Variants in SLC25A12 observed in about 807,000 individuals in gnomAD.
SLC25A12 encodes the protein solute carrier family 25 member 12, also known as electrogenic aspartate/glutamate antiporter SLC25A12, mitochondrial.
A neutral mutation model predicts 83.3 loss-of-function variants in SLC25A12; 32 were observed. The ratio of observed to expected loss-of-function variants is 0.38; its 90% CI spans 0.29 to 0.52. The LOEUF (loss-of-function observed/expected upper bound fraction) is 0.52, where lower values mean the gene tolerates loss of function less well. Ranked by LOEUF, SLC25A12 falls within the 20% of genes least tolerant of loss-of-function variation. The pLI, the probability that SLC25A12 is intolerant of heterozygous loss-of-function variation, is 0.84. For missense variants in SLC25A12, 611 were observed against 835.6 expected, an observed-to-expected ratio of 0.73 and a Z score of 3.31; for synonymous variants, 267 against 291.1, an observed-to-expected ratio of 0.92 and a Z score of 0.84.
intron 3 of SLC25A12, among the ~76,000 whole-genome samples, chr2:171,861,041 A>G (rs1400018463): frequency 6.6e-6 from 1 of 152,098 alleles, no homozygotes; most frequent in African/African-American, 2.4e-5. Context: ...GCAGTAAGCC[A>G]TGATCACACC....
chr2:171,837,026 G>A (rs1684574937), intron 6 of SLC25A12, 95 bp downstream of exon 6: 1 of 1,184,504 alleles, frequency 8.4e-7, no homozygotes, highest in Admixed American at 1.9e-5. Flanking sequence ...AATTTGAATA[G>A]TTGAGAGTCA....
chr2:171,862,731 G>A (rs1281277569), intron 3 of SLC25A12, among the ~76,000 whole-genome samples: 1 of 152,108 alleles, frequency 6.6e-6, no homozygotes, highest in Admixed American at 6.6e-5. Flanking sequence ...AATATTATAT[G>A]TTGCTATTTC....
intron 3 of SLC25A12, among the ~76,000 whole-genome samples, chr2:171,866,537 GGGCAGAGGCGCCCCTC>G (rs1685313453): frequency 1.6e-5 from 2 of 121,510 alleles, no homozygotes; most frequent in Non-Finnish European, 3.6e-5. Context: ...AGGGGCGGCC[GGGCAGAGGCGCCCCTC>G]ACCTCCCGAA....
At chr2:171,863,028 T>C (rs535793551) in intron 3 of SLC25A12, among the ~76,000 whole-genome samples, 1 of 152,248 alleles carries the variant, frequency 6.6e-6, no homozygotes, top group South Asian at 2.1e-4. Flanking sequence ...CTCTCCCAAG[T>C]AGCTAAGGCT....
intron 11 of SLC25A12, 42 bp from the exon 12 acceptor site, chr2:171,810,318 G>C (rs746328009): frequency 1.4e-6 from 2 of 1,480,598 alleles, no homozygotes; most frequent in South Asian, 2.3e-5. Context: ...AGCTGTACCA[G>C]ACATGAATAC....
chr2:171,886,184 T>C (rs913271789), intron 2 of SLC25A12, among the ~76,000 whole-genome samples: 2 of 151,958 alleles, frequency 1.3e-5, no homozygotes, highest in Non-Finnish European at 1.5e-5. Context: ...ACTTTCATAG[T>C]ATAGTTATTC....
chr2:171,868,612 C>G, intron 3 of SLC25A12, 69 bp downstream of exon 3: 2 of 1,507,352 alleles, frequency 1.3e-6, no homozygotes, highest in Middle Eastern at 1.7e-4. Context: ...CTGTGCCCAG[C>G]TGGTTTTTTA....
chr2:171,791,690 C>T (rs1343527255), intron 14 of SLC25A12, 101 bp from the exon 15 acceptor site: 2 of 1,126,876 alleles, frequency 1.8e-6, no homozygotes, highest in Admixed American at 3.4e-5. Context: ...TTGAGGTGTC[C>T]CTCAGTGACA....
intron 5 of SLC25A12, among the ~76,000 whole-genome samples, chr2:171,840,257 C>T (rs1225745800): frequency 3.9e-5 from 6 of 151,936 alleles, no homozygotes; most frequent in African/African-American, 1.5e-4. Flanking sequence ...TGGTGGCACA[C>T]GCCTGTAGTA....
intron 9 of SLC25A12, among the ~76,000 whole-genome samples, chr2:171,821,763 A>G (rs943051522): frequency 6.6e-6 from 1 of 152,170 alleles, no homozygotes; most frequent in African/African-American, 2.4e-5. Context: ...ATTATTGCAA[A>G]TATCTCTGCC....
At chr2:171,858,470 G>A (rs1213602675) in intron 3 of SLC25A12, among the ~76,000 whole-genome samples, 1 of 152,104 alleles carries the variant, frequency 6.6e-6, no homozygotes, top group African/African-American at 2.4e-5. Context: ...AGAATACGTA[G>A]CTTTAAAACA....
chr2:171,791,680 T>TTGAGGTGTCCCTCAGTGACAAGCC (rs1683464826), intron 14 of SLC25A12, 91 bp from the exon 15 acceptor site: 1 of 1,253,626 alleles, frequency 8.0e-7, no homozygotes, highest in Non-Finnish European at 1.2e-6. Flanking sequence ...AGTGACAAGC[T>TTGAGGTGTCCCTCAGTGACAAGCC]TGAGGTGTCC....
chr2:171,827,765 T>C (rs1184727495), intron 8 of SLC25A12, among the ~76,000 whole-genome samples: 1 of 152,210 alleles, frequency 6.6e-6, no homozygotes, highest in Non-Finnish European at 1.5e-5. Context: ...GGACAACTTG[T>C]AGTCAAGACC....
At chr2:171,788,317 TA>T (rs1007171076) in intron 15 of SLC25A12, 13 of 226,492 alleles carry the variant, frequency 5.7e-5, no homozygotes, top group Non-Finnish European at 8.9e-5. Context: ...TTTTTATGTA[TA>T]AAAAAATGAT....
rs1683985837 is a variant in SLC25A12, at chr2:171,813,344, T to C, written c.1166A>G (p.Tyr389Cys). The change falls in exon 11 of 18, where the codon TAC (tyrosine) becomes TGC (cysteine). Residue 389 changes from tyrosine (Y) to cysteine (C), a missense_variant. By Grantham distance (194) the Tyr-to-Cys change is radical. Around this residue, in one of 3 missense-constraint regions of SLC25A12, gnomAD observed 540 missense variants for 777.5 expected, o/e 0.69. Coordinates refer to ENST00000422440, the MANE Select transcript of SLC25A12 (RefSeq NM_003705.5). ...GCTGGGATTTGCTTACTCACCCCTG[T>C]AGAGTCCAAAGAAGCCCTCATAACG... The part of the protein sequence containing the change: ...VLRYEGFFGL[Y>C]RGLIPQLIGV... The C allele has an allele frequency of 1.9e-6, 3 of 1,613,880 alleles. No homozygotes were observed. Among genetic ancestry groups the C allele is most frequent in the African/African-American group, 1.3e-5 (1 of 74,916 alleles).
At chr2:171,879,352 T>C (rs926255461) in intron 2 of SLC25A12, among the ~76,000 whole-genome samples, 3 of 152,356 alleles carry the variant, frequency 2.0e-5, no homozygotes, top group East Asian at 3.9e-4. Context: ...CTTCCATGAA[T>C]ACTATGTGCT....
intron 11 of SLC25A12, among the ~76,000 whole-genome samples, chr2:171,812,205 T>G (rs3770451): frequency 0.29 from 43,633 of 152,070 alleles, 6,541 homozygotes; most frequent in African/African-American, 0.37. Context: ...TATATAATGC[T>G]AAAAATGAAC....
intron 9 of SLC25A12, among the ~76,000 whole-genome samples, chr2:171,815,991 G>A (rs1011944406): frequency 6.7e-6 from 1 of 148,518 alleles, no homozygotes; most frequent in African/African-American, 2.5e-5. Flanking sequence ...TACAAAAATA[G>A]AAATTATAGA....
At chr2:171,798,103 C>A (rs1683634389) in intron 13 of SLC25A12, among the ~76,000 whole-genome samples, 1 of 152,092 alleles carries the variant, frequency 6.6e-6, no homozygotes, top group Non-Finnish European at 1.5e-5. Context: ...TAAAAGAGAA[C>A]AAATCTCATT....
Sources: allele counts gnomAD v4.1 joint callset (sites outside exome capture counted in the v4.1 genomes callset), GRCh38; gene constraint gnomAD v4.1.1; regional missense constraint gnomAD v4.1.1; transcripts MANE v1.5; gene names NCBI Gene and HGNC (gene_info 2026-07-23, HGNC 2026-07-21).